CPVL: variants seen among roughly 807,000 people sequenced by gnomAD.
The protein encoded by CPVL is carboxypeptidase vitellogenic like, also known as probable serine carboxypeptidase CPVL.
CPVL carries 51 observed loss-of-function variants against 63.7 expected under a neutral mutation model. The ratio of observed to expected loss-of-function variants is 0.80; its 90% CI spans 0.64 to 1.01. CPVL has a LOEUF of 1.01. Ranked by LOEUF, CPVL falls within the 50% of genes least tolerant of loss-of-function variation. The pLI is 0.00. For missense variants in CPVL, 530 were observed against 573.1 expected (o/e 0.92, Z 0.77); for synonymous variants, 195 against 206.0 (o/e 0.95, Z 0.46).
chr7:28,995,679 A>G lies in CPVL; in HGVS notation c.*93T>C. On this transcript the variant is annotated 3_prime_UTR_variant, in exon 13 of 13. Transcript: ENST00000265394. Reference sequence around the variant, plus strand: ...GATGAAAAAAATCTTGCAGATATGAAAAGATAATTTTTTTATTCCTATGAC... The same window carrying G: ...GATGAAAAAAATCTTGCAGATATGAGAAGATAATTTTTTTATTCCTATGAC... 1.3e-6 allele frequency: 1 copy of G among 773,644 alleles called. No individual in the cohort carries two copies. Among genetic ancestry groups the G allele is most frequent in the Non-Finnish European group, 2.1e-6 (1 of 476,020 alleles). The allele number at this position is 773,644 out of a possible 1,614,324, so 47.9% of individuals were successfully genotyped here.
intron 4 of CPVL, among the ~76,000 whole-genome samples, chr7:29,181,725 A>T (rs1438913973): frequency 1.3e-5 from 2 of 152,264 alleles, no homozygotes; most frequent in East Asian, 3.8e-4. Flanking sequence ...TAAATAAAGT[A>T]GACACTAATG....
At chr7:29,129,919 C>T (rs1046431609) in intron 1 of CPVL, among the ~76,000 whole-genome samples, 2 of 152,124 alleles carry the variant, frequency 1.3e-5, no homozygotes, top group Non-Finnish European at 2.9e-5. Context: ...GAGGCAGACA[C>T]TAAGTGATGT....
At chr7:29,063,096 C>A (rs926653659) in intron 11 of CPVL, among the ~76,000 whole-genome samples, 1 of 152,258 alleles carries the variant, frequency 6.6e-6, no homozygotes, top group East Asian at 1.9e-4. Flanking sequence ...CTCTTGGTGT[C>A]CTCCTTCCCA....
At chr7:29,144,534 T>A (rs1446910491) in intron 1 of CPVL, among the ~76,000 whole-genome samples, 1 of 152,094 alleles carries the variant, frequency 6.6e-6, no homozygotes, top group Non-Finnish European at 1.5e-5. Context: ...CCAGCTTGGG[T>A]GACAAAGTGA....
chr7:29,054,163 T>C (rs544966197), intron 11 of CPVL, among the ~76,000 whole-genome samples: 3 of 152,292 alleles, frequency 2.0e-5, no homozygotes, highest in South Asian at 4.1e-4. Flanking sequence ...TACACAACCA[T>C]TGTACAATGA....
chr7:29,174,599 C>G (rs537036344), intron 5 of CPVL, among the ~76,000 whole-genome samples: 6 of 152,146 alleles, frequency 3.9e-5, no homozygotes, highest in Non-Finnish European at 7.3e-5. Flanking sequence ...CAGTGACTCA[C>G]GCCTGTAATC....
intron 1 of CPVL, among the ~76,000 whole-genome samples, chr7:29,124,533 A>G (rs560746179): frequency 2.6e-5 from 4 of 152,246 alleles, no homozygotes; most frequent in South Asian, 2.1e-4. Flanking sequence ...CATGTGTCCA[A>G]TGTATGATTT....
intron 1 of CPVL, among the ~76,000 whole-genome samples, chr7:29,123,613 AAAAAAAAAAAAAAAAATATAT>A (rs1354036422): frequency 3.5e-4 from 33 of 95,418 alleles, no homozygotes; most frequent in African/African-American, 1.4e-3. Context: ...AAAAAAAAAA[AAAAAAAAAAAAAAAAATATAT>A]ATATATATAT....
chr7:29,000,364 G>T (rs1290900307), intron 12 of CPVL, among the ~76,000 whole-genome samples: 2 of 149,704 alleles, frequency 1.3e-5, no homozygotes, highest in African/African-American at 4.9e-5. Context: ...TGGTGGGTGG[G>T]TGGGGTGGGG....
chr7:29,118,908 C>T (rs1174488290), intron 2 of CPVL, among the ~76,000 whole-genome samples: 1 of 152,218 alleles, frequency 6.6e-6, no homozygotes, highest in Non-Finnish European at 1.5e-5. Context: ...TGCCAGATCC[C>T]TGTCTCTCAC....
intron 7 of CPVL, among the ~76,000 whole-genome samples, chr7:29,073,522 T>C (rs1783952901): frequency 6.6e-6 from 1 of 152,198 alleles, no homozygotes; most frequent in Admixed American, 6.5e-5. Flanking sequence ...CTCTCGCTCA[T>C]TCCTTTCCAG....
chr7:29,138,851 G>T (rs1379565616), intron 1 of CPVL, among the ~76,000 whole-genome samples: 2 of 152,184 alleles, frequency 1.3e-5, no homozygotes, highest in Non-Finnish European at 2.9e-5. Flanking sequence ...TAATCCAGCG[G>T]GTACCTCTTC....
chr7:29,090,446 A>G (rs1388939878), intron 6 of CPVL, among the ~76,000 whole-genome samples: 1 of 152,216 alleles, frequency 6.6e-6, no homozygotes, highest in African/African-American at 2.4e-5. Flanking sequence ...GCAACACTAC[A>G]TATCATTTCC....
Position 29,117,386 on chromosome 7 carries a change from G to T in CPVL, c.169+3507C>A, listed in dbSNP as rs186107902. ...TTTTACTTGGTTCCACCAGATGTAT[G>T]ATACAGAAACACCATGGTCACTTTC... is the stretch of plus-strand genomic sequence containing the variant. On this transcript the variant is annotated intron_variant, in intron 2 of 12. Transcript: ENST00000265394. Among the ~76,000 whole-genome samples, 361 of 152,320 alleles carry T rather than the reference G, an allele frequency of 2.4e-3. 1 individual carries two copies. Among genetic ancestry groups the T allele is most frequent in the Non-Finnish European group, 4.4e-3 (302 of 68,020 alleles).
intron 5 of CPVL, among the ~76,000 whole-genome samples, chr7:29,156,553 G>T (rs1794402092): frequency 6.6e-6 from 1 of 152,166 alleles, no homozygotes; most frequent in African/African-American, 2.4e-5. Context: ...TTGCCCTGAG[G>T]CATCTGAAGG....
intron 2 of CPVL, among the ~76,000 whole-genome samples, chr7:29,119,410 G>A (rs753860296): frequency 6.7e-6 from 1 of 149,872 alleles, no homozygotes; most frequent in Admixed American, 6.7e-5. Context: ...TCGCTTGAAC[G>A]CAGGAGGTGC....
chr7:29,140,396 T>C (rs190225410), intron 1 of CPVL, among the ~76,000 whole-genome samples: 23 of 152,318 alleles, frequency 1.5e-4, no homozygotes, highest in Non-Finnish European at 3.1e-4. Context: ...TGAGACACTT[T>C]GCTAAAACTT....
At position 28,995,780 on chromosome 7, in the gene CPVL, C is replaced by A. The variant is rs201613280; in HGVS notation, c.1423G>T (p.Val475Phe). ...TCTTTTGGGAAGGTAGTTTATCCAA[C>A]ATAAGGATCCCATCCTTTTCCATAA... ...FIYGKGWDPY[V>F]G Residue 475 changes from valine to phenylalanine, a missense_variant, in exon 13 of 13, where the codon GTT becomes TTT. Val to Phe is a conservative substitution (Grantham distance 50). Transcript: ENST00000265394. 1.9e-6 allele frequency: 3 copies of A among 1,582,164 alleles called. No homozygotes were observed. The highest frequency in any genetic ancestry group is 2.6e-6 in the Non-Finnish European group (3 of 1,159,680).
upstream of CPVL, chr7:29,146,860 A>T: frequency 1.3e-6 from 2 of 1,551,170 alleles, no homozygotes; most frequent in Non-Finnish European, 1.7e-6. Flanking sequence ...ACTTACTTGC[A>T]AGCCCAGGAT....
Sources: allele counts gnomAD v4.1 joint callset (sites outside exome capture counted in the v4.1 genomes callset), GRCh38; gene constraint gnomAD v4.1.1; transcripts MANE v1.5; gene names NCBI Gene and HGNC (gene_info 2026-07-23, HGNC 2026-07-21).